SCNN1B: variants seen among roughly 807,000 people sequenced by gnomAD.
The protein encoded by SCNN1B is sodium channel epithelial 1 subunit beta.
In SCNN1B, 46 loss-of-function variants were observed where a neutral mutation model predicts 65.3. That is an observed-to-expected ratio of 0.70 (90% CI 0.56 to 0.90). The LOEUF (loss-of-function observed/expected upper bound fraction) is 0.90. Among genes scored for constraint, SCNN1B ranks in the 40% least tolerant of loss-of-function variants. The pLI is 0.00. For missense variants in SCNN1B, 751 were observed against 830.5 expected (o/e 0.90, Z 1.18); for synonymous variants, 349 against 330.6 (o/e 1.06, Z -0.60).
chr16:23,279,474 T>G (rs913092183), intron 1 of SCNN1B, among the ~76,000 whole-genome samples: 1 of 152,110 alleles, frequency 6.6e-6, no homozygotes, highest in Non-Finnish European at 1.5e-5. Context: ...TGGTGTTCAG[T>G]GCTGGATAAT....
chr16:23,285,773 AG>A (rs573129411), intron 2 of SCNN1B, among the ~76,000 whole-genome samples: 43 of 152,342 alleles, frequency 2.8e-4, no homozygotes, highest in African/African-American at 1.0e-3. Context: ...CAGGAGTTCA[AG>A]ACCAGGCTGG....
chr16:23,330,921 C>T (rs963470255), intron 1 of SCNN1B, among the ~76,000 whole-genome samples: 3 of 152,076 alleles, frequency 2.0e-5, no homozygotes, highest in Admixed American at 6.6e-5. Flanking sequence ...GGAGATAACC[C>T]GGGTTATGGC....
chr16:23,365,587 G>GCA lies in SCNN1B; in HGVS notation c.777-2269_777-2268insCA, dbSNP rs1555488906. On this transcript the variant is annotated intron_variant, in intron 4 of 12. Coordinates refer to ENST00000343070, the MANE Select transcript of SCNN1B (RefSeq NM_000336.3). ...AGAAAGAAAGAAAGAAAGAAAGAAA[G>GCA]AGAAAGAAAGAAAGAAAGAAAGAAA... Among the ~76,000 whole-genome samples the GCA allele has an allele frequency of 1.5e-4, 13 of 86,958 alleles. 1 individual carries two copies. Among genetic ancestry groups the GCA allele is most frequent in the Non-Finnish European group, 2.2e-5 (1 of 45,512 alleles). 57.0% of individuals were successfully genotyped at this position (86,958 alleles called of 152,430 possible). A position where few individuals can be genotyped will look rare whatever the true frequency, so the allele number is the denominator to read the frequency against.
At chr16:23,295,615 G>A (rs888224892) in intron 2 of SCNN1B, among the ~76,000 whole-genome samples, 3 of 152,148 alleles carry the variant, frequency 2.0e-5, no homozygotes, top group Non-Finnish European at 4.4e-5. Context: ...GCCTCATAAA[G>A]TGCTGAGATT....
intron 2 of SCNN1B, among the ~76,000 whole-genome samples, chr16:23,352,308 GTTC>G (rs1267957206): frequency 6.6e-6 from 1 of 152,186 alleles, no homozygotes; most frequent in Non-Finnish European, 1.5e-5. Flanking sequence ...TAGGTGGGGT[GTTC>G]TTCTTATACA....
intron 2 of SCNN1B, among the ~76,000 whole-genome samples, chr16:23,297,220 A>G (rs901578656): frequency 3.3e-5 from 5 of 152,190 alleles, no homozygotes; most frequent in African/African-American, 1.2e-4. Flanking sequence ...GCAGTTGCCT[A>G]TCTGAGCCTC....
chr16:23,323,066 C>T (rs577352743), intron 1 of SCNN1B, among the ~76,000 whole-genome samples: 5 of 151,950 alleles, frequency 3.3e-5, no homozygotes, highest in South Asian at 2.1e-4. Context: ...TCACCATGGG[C>T]GCATGCCTGT....
At chr16:23,365,607 A>AAGAGAGAGAGAG (rs879286451) in intron 4 of SCNN1B, among the ~76,000 whole-genome samples, 1 of 76,720 alleles carries the variant, frequency 1.3e-5, no homozygotes, top group Non-Finnish European at 3.0e-5. Context: ...GAAAGAAAGA[A>AAGAGAGAGAGAG]AGAAAGAAAG....
At chr16:23,325,128 C>T (rs938453098) in intron 1 of SCNN1B, among the ~76,000 whole-genome samples, 2 of 152,168 alleles carry the variant, frequency 1.3e-5, no homozygotes, top group Non-Finnish European at 2.9e-5. Context: ...CTCTGAAATC[C>T]CTCTTTGGTT....
chr16:23,302,226 C>A (rs1445701236), upstream of SCNN1B: 3 of 152,426 alleles, frequency 2.0e-5, no homozygotes, highest in African/African-American at 7.2e-5. Context: ...GTGCGTGTGG[C>A]CAGGCCGGTA....
chr16:23,377,913 A>G (rs1416346778), intron 10 of SCNN1B, among the ~76,000 whole-genome samples: 1 of 152,246 alleles, frequency 6.6e-6, no homozygotes, highest in African/African-American at 2.4e-5. Flanking sequence ...ACAAGCAGAA[A>G]TAAAATCGTT....
chr16:23,348,245 G>A lies in SCNN1B; in HGVS notation c.-8-347G>A, dbSNP rs1157711185. 6.6e-6 allele frequency among the ~76,000 whole-genome samples: 1 copy of A among 152,192 alleles called. No homozygotes were observed. Among genetic ancestry groups the A allele is most frequent in the East Asian group, 1.9e-4 (1 of 5,192 alleles). On this transcript the variant is annotated intron_variant, in intron 1 of 12. Transcript: ENST00000343070. This position sits in a 1 kb window ranked among gnomAD's most constrained non-coding sequence, Gnocchi z 4.5. ...CTTGCTATACCACATTTTATGCACAGAGAACCTGAGTTGAGAGTTTAAGTC... is the reference window on the plus strand; with the variant it reads ...CTTGCTATACCACATTTTATGCACAAAGAACCTGAGTTGAGAGTTTAAGTC...
intron 3 of SCNN1B, among the ~76,000 whole-genome samples, chr16:23,354,438 G>A (rs1001224048): frequency 2.6e-5 from 4 of 152,248 alleles, no homozygotes; most frequent in Non-Finnish European, 4.4e-5. Context: ...GGGAGAACCA[G>A]CAGCAGCCTC....
Position 23,352,765 on chromosome 16 carries a change from C to A in SCNN1B, c.312-36C>A, listed in dbSNP as rs72654323. The A allele has an allele frequency of 5.6e-4, 904 of 1,612,408 alleles. 3 individuals carry two copies. The African/African-American group carries it at 0.01, about 18-fold the overall frequency. On this transcript the variant is annotated intron_variant, in intron 2 of 12. Coordinates refer to ENST00000343070, the MANE Select transcript of SCNN1B (RefSeq NM_000336.3). ...TCATTTGCTCTGCTTTACAGATATG[C>A]ATTCCTTCCCCCTAACCAGCCCTCT...
intron 1 of SCNN1B, among the ~76,000 whole-genome samples, chr16:23,279,159 C>A (rs745627644): frequency 6.6e-6 from 1 of 151,948 alleles, no homozygotes; most frequent in Non-Finnish European, 1.5e-5. Context: ...TCACTGCAAC[C>A]TCTGCCTCCC....
At chr16:23,333,199 AAGGAAGGAAGG>A (rs1961863005) in intron 1 of SCNN1B, among the ~76,000 whole-genome samples, 7 of 96,404 alleles carry the variant, frequency 7.3e-5, no homozygotes, top group African/African-American at 3.0e-4. Flanking sequence ...GGAAGGAAGG[AAGGAAGGAAGG>A]AAGAAAGAAA....
intron 5 of SCNN1B, 53 bp downstream of exon 5, chr16:23,368,012 C>G: frequency 7.5e-7 from 1 of 1,325,182 alleles, no homozygotes; most frequent in East Asian, 2.3e-5. Context: ...ACCACCCCCA[C>G]AATGTGGGAC....
At chr16:23,322,445 G>T (rs990831090) in intron 1 of SCNN1B, among the ~76,000 whole-genome samples, 16 of 151,768 alleles carry the variant, frequency 1.1e-4, no homozygotes, top group Non-Finnish European at 1.5e-5. Context: ...GACTATAGGT[G>T]CACACCACCA....
At chr16:23,369,154 C>T (rs1962732527) in intron 5 of SCNN1B, among the ~76,000 whole-genome samples, 1 of 152,218 alleles carries the variant, frequency 6.6e-6, no homozygotes, top group Non-Finnish European at 1.5e-5. Flanking sequence ...GTCACCCAAA[C>T]TGGAGTGCAG....
Sources: allele counts gnomAD v4.1 joint callset (sites outside exome capture counted in the v4.1 genomes callset), GRCh38; gene constraint gnomAD v4.1.1; non-coding constraint Gnocchi (gnomAD v3.1); transcripts MANE v1.5; gene names NCBI Gene and HGNC (gene_info 2026-07-23, HGNC 2026-07-21).